Variants in VPS13B observed in about 807,000 individuals in gnomAD.
VPS13B encodes the protein vacuolar protein sorting 13 homolog B, also known as intermembrane lipid transfer protein VPS13B.
A neutral mutation model predicts 426.4 loss-of-function variants in VPS13B; 285 were observed. The ratio of observed to expected loss-of-function variants is 0.67; its 90% confidence interval spans 0.61 to 0.74. VPS13B has a LOEUF of 0.74. Ranked by LOEUF, VPS13B falls within the 30% of genes least tolerant of loss-of-function variation. The pLI is 0.00. For synonymous variants in VPS13B, 1,676 were observed against 1,676.4 expected (o/e 1.00, Z 0.01); for missense variants, 4,537 against 4,782.6 (o/e 0.95, Z 1.51).
intron 28 of VPS13B, among the ~76,000 whole-genome samples, chr8:99,509,133 T>A (rs1345426480): frequency 2.0e-5 from 3 of 152,168 alleles, no homozygotes; most frequent in Admixed American, 2.0e-4. Context: ...ACAGACAACA[T>A]CACTGTGATC....
intron 30 of VPS13B, among the ~76,000 whole-genome samples, chr8:99,533,852 T>G (rs988748127): frequency 1.3e-5 from 2 of 152,326 alleles, no homozygotes; most frequent in South Asian, 2.1e-4. Context: ...CTGAGCTGTA[T>G]TTTCTAGATG....
intron 4 of VPS13B, among the ~76,000 whole-genome samples, chr8:99,099,727 G>A (rs977423680): frequency 5.9e-5 from 9 of 152,136 alleles, no homozygotes; most frequent in Admixed American, 1.3e-4. Flanking sequence ...AACAAGAAGT[G>A]CGAATGGACA....
At chr8:99,537,332 G>C (rs1181262662) in intron 30 of VPS13B, among the ~76,000 whole-genome samples, 1 of 151,956 alleles carries the variant, frequency 6.6e-6, no homozygotes, top group East Asian at 1.9e-4. Context: ...TAACTTCTAT[G>C]GTGATGTAGG....
intron 3 of VPS13B, among the ~76,000 whole-genome samples, chr8:99,047,545 G>A (rs1843299071): frequency 1.3e-5 from 2 of 151,848 alleles, no homozygotes; most frequent in South Asian, 4.1e-4. Context: ...CACTGATCTT[G>A]GTTATTTCCT....
intron 33 of VPS13B, among the ~76,000 whole-genome samples, chr8:99,607,485 C>A (rs1827647124): frequency 6.6e-6 from 1 of 152,192 alleles, no homozygotes; most frequent in African/African-American, 2.4e-5. Flanking sequence ...ATTTCCCTCA[C>A]TCCCATTACC....
rs149569227 is a variant in VPS13B, at chr8:99,697,999, C to T, written c.6047-1526C>T. The T allele has an allele frequency of 2.1e-4, 84 of 400,660 alleles. No individual in the cohort carries two copies. In the East Asian group the frequency reaches 4.1e-3, roughly 20 times the overall value. 24.8% of individuals were successfully genotyped at this position (400,660 alleles called of 1,614,324 possible). ...TGGAGGAGAAGACTGAGAAGGAGGC[C>T]GCAGAGGTGAAGAGCTAGAGCTGCT... On this transcript the variant is annotated intron_variant, in intron 35 of 61. Coordinates refer to ENST00000357162, the MANE Select transcript of VPS13B (RefSeq NM_152564.5).
At chr8:99,273,496 C>T (rs1173500964) in intron 17 of VPS13B, among the ~76,000 whole-genome samples, 1 of 151,942 alleles carries the variant, frequency 6.6e-6, no homozygotes, top group African/African-American at 2.4e-5. Flanking sequence ...TTAAATGTCT[C>T]CACCTAGGCC....
chr8:99,454,216 A>C (rs745690866), intron 23 of VPS13B, among the ~76,000 whole-genome samples: 5 of 152,006 alleles, frequency 3.3e-5, no homozygotes, highest in African/African-American at 4.8e-5. Flanking sequence ...ACAGGGTCTC[A>C]TTCTGTCACC....
chr8:99,778,906 A>T lies in VPS13B; in HGVS notation c.7654A>T (p.Met2552Leu), dbSNP rs747240552. 2 of 1,614,012 alleles carry T rather than the reference A, an allele frequency of 1.2e-6. No individual in the cohort carries two copies. The highest frequency in any genetic ancestry group is 3.3e-5 in the Admixed American group (2 of 59,990). Residue 2552 changes from methionine (M) to leucine (L), a missense_variant, in exon 42 of 62, where the codon ATG (methionine) becomes TTG (leucine). Around this residue, in one of 2 missense-constraint regions of VPS13B, gnomAD observed 4,311 missense variants for 4,474.3 expected, o/e 0.96. Transcript: ENST00000357162. ...GAAACCCTTCAGCATCTTCGGGCAG[A>T]TGGCAGTTTCCAGCGATGTAGTGGA... ...VVKPFSIFGQ[M>L]AVSSDVVEKL...
chr8:99,251,793 G>T (rs1472613766), intron 17 of VPS13B, among the ~76,000 whole-genome samples: 2 of 152,080 alleles, frequency 1.3e-5, no homozygotes, highest in East Asian at 3.9e-4. Flanking sequence ...TGGACCTGGA[G>T]ATTTACTTTT....
At chr8:99,260,920 A>G (rs1818006547) in intron 17 of VPS13B, among the ~76,000 whole-genome samples, 1 of 152,086 alleles carries the variant, frequency 6.6e-6, no homozygotes, top group Non-Finnish European at 1.5e-5. Context: ...TTGTAATGGA[A>G]CAAGTTACTT....
chr8:99,668,634 C>G (rs978250663), intron 35 of VPS13B, among the ~76,000 whole-genome samples: 1 of 152,082 alleles, frequency 6.6e-6, no homozygotes, highest in African/African-American at 2.4e-5. Flanking sequence ...GTCCCAACTT[C>G]TACATCAAAA....
intron 33 of VPS13B, among the ~76,000 whole-genome samples, chr8:99,611,386 T>TATAATC (rs1827838707): frequency 6.6e-6 from 1 of 152,176 alleles, no homozygotes; most frequent in African/African-American, 2.4e-5. Context: ...TATACTTTTG[T>TATAATC]ACTTTAAAAT....
At chr8:99,699,462 A>C (rs1832179997) in intron 35 of VPS13B, 63 bp from the exon 36 acceptor site, 1 of 1,566,704 alleles carries the variant, frequency 6.4e-7, no homozygotes, top group African/African-American at 1.4e-5. Flanking sequence ...CTTGTCAGAG[A>C]AGTAAAGGCT....
intron 35 of VPS13B, among the ~76,000 whole-genome samples, chr8:99,671,428 A>C (rs1830712753): frequency 6.6e-6 from 1 of 152,106 alleles, no homozygotes; most frequent in African/African-American, 2.4e-5. Flanking sequence ...TCTGTAGGTT[A>C]TCTCTTCATA....
chr8:99,430,376 G>T (rs1338494622), intron 21 of VPS13B, among the ~76,000 whole-genome samples: 1 of 151,848 alleles, frequency 6.6e-6, no homozygotes, highest in Non-Finnish European at 1.5e-5. Flanking sequence ...ATTTATTTAG[G>T]TCTGATTTAT....
intron 33 of VPS13B, among the ~76,000 whole-genome samples, chr8:99,635,812 C>T (rs1009744479): frequency 2.6e-5 from 4 of 151,886 alleles, no homozygotes; most frequent in Admixed American, 6.6e-5. Flanking sequence ...TAATATAACC[C>T]AAAATTAGTT....
At chr8:99,738,218 C>T (rs1419343673) in intron 39 of VPS13B, among the ~76,000 whole-genome samples, 2 of 152,164 alleles carry the variant, frequency 1.3e-5, no homozygotes, top group African/African-American at 2.4e-5. Flanking sequence ...CAACTTTAAA[C>T]CATTTTTCAA....
intron 3 of VPS13B, among the ~76,000 whole-genome samples, chr8:99,076,334 C>T (rs183073046): frequency 6.6e-6 from 1 of 152,230 alleles, no homozygotes; most frequent in Non-Finnish European, 1.5e-5. Context: ...TATTTTACAG[C>T]TGTTGGATGA....
Sources: allele counts gnomAD v4.1 joint callset (sites outside exome capture counted in the v4.1 genomes callset), GRCh38; gene constraint gnomAD v4.1.1; regional missense constraint gnomAD v4.1.1; transcripts MANE v1.5; gene names NCBI Gene and HGNC (gene_info 2026-07-23, HGNC 2026-07-21).